Variants in PRKDC observed in about 807,000 individuals in gnomAD.
PRKDC encodes DNA-dependent protein kinase catalytic subunit.
A neutral mutation model predicts 486.9 loss-of-function variants in PRKDC; 82 were observed. The observed-to-expected ratio is 0.17, with a 90% confidence interval of 0.14 to 0.20. The LOEUF (loss-of-function observed/expected upper bound fraction) is 0.20, where lower values mean the gene tolerates loss of function less well. PRKDC is among the 10% of genes least tolerant of loss of function. PRKDC has a pLI of 1.00. For missense variants in PRKDC, 4,504 were observed against 5,038.2 expected (o/e 0.89, Z 3.21); for synonymous variants, 1,895 against 1,837.0 (o/e 1.03, Z -0.81).
At chr8:47,820,552 G>GA (rs1262047368) in intron 66 of PRKDC, among the ~76,000 whole-genome samples, 167 bp downstream of exon 66, 4 of 151,824 alleles carry the variant, frequency 2.6e-5, no homozygotes, top group Non-Finnish European at 5.9e-5. Flanking sequence ...CAGAAAGAAG[G>GA]AAATAGGTGG....
At chr8:47,783,906 A>G (rs866533126) in intron 77 of PRKDC, 97 bp from the exon 78 acceptor site, 1 of 1,169,194 alleles carries the variant, frequency 8.6e-7, no homozygotes, top group Non-Finnish European at 1.3e-6. Flanking sequence ...AAGCCAATCT[A>G]ACATGATAAA....
In PRKDC at chr8:47,958,844, T is replaced by A. The variant is rs112044267; in HGVS notation, c.154+1129A>T. 2.0e-4 allele frequency among the ~76,000 whole-genome samples: 31 copies of A among 151,726 alleles called. 1 individual carries two copies. The highest frequency in any genetic ancestry group is 7.3e-4 in the African/African-American group (30 of 41,378). ...TCCTTCTCCTGGGTTCAAGACATTC[T>A]CCTGTCTCAGCCTCCCGAATAGCTG... On this transcript the variant is annotated intron_variant, in intron 1 of 85. Transcript: ENST00000314191.
rs767606959 is a variant in PRKDC, at chr8:47,830,586, C to T, written c.8397+19G>A. On this transcript the variant is annotated intron_variant, in intron 61 of 85. Coordinates refer to ENST00000314191, the MANE Select transcript of PRKDC (RefSeq NM_006904.7). ...CAGATTTTAACCTGTCAACAGAAAA[C>T]GCAGCGGCAAAAACTGACCTGGGCC... 9.9e-6 allele frequency: 16 copies of T among 1,609,178 alleles called. No homozygotes were observed. The East Asian group carries it at 1.8e-4, about 18-fold the overall frequency.
intron 21 of PRKDC, 47 bp downstream of exon 21, chr8:47,927,147 A>G (rs1472154593): frequency 1.3e-5 from 20 of 1,569,172 alleles, no homozygotes; most frequent in Middle Eastern, 1.7e-4. Context: ...TAGTTACTCC[A>G]TTTCCATTTT....
intron 71 of PRKDC, among the ~76,000 whole-genome samples, chr8:47,799,616 C>T (rs994080667): frequency 4.6e-5 from 7 of 152,146 alleles, no homozygotes; most frequent in South Asian, 2.1e-4. Context: ...AAGCCCAGCG[C>T]GGGCCAGATG....
chr8:47,952,815 C>T (rs749682275), intron 7 of PRKDC, among the ~76,000 whole-genome samples: 2 of 151,776 alleles, frequency 1.3e-5, no homozygotes, highest in Non-Finnish European at 2.9e-5. Context: ...AACAGCCTGG[C>T]CAACATGGTG....
At chr8:47,884,396 C>G (rs753786721) in intron 36 of PRKDC, among the ~76,000 whole-genome samples, 24 of 152,368 alleles carry the variant, frequency 1.6e-4, no homozygotes, top group Admixed American at 6.5e-4. Context: ...ATCTCAAACT[C>G]TGCATGCAGT....
intron 40 of PRKDC, among the ~76,000 whole-genome samples, chr8:47,866,197 T>C (rs1407708407): frequency 6.6e-6 from 1 of 151,044 alleles, no homozygotes; most frequent in East Asian, 1.9e-4. Flanking sequence ...TAGAGAGTTC[T>C]TTGCCCCTTC....
chr8:47,954,397 C>G lies in PRKDC; in HGVS notation c.449G>C (p.Gly150Ala), dbSNP rs752791562. The change falls in exon 5 of 86, where the codon GGA (glycine) becomes GCA (alanine). Residue 150 changes from glycine (G) to alanine (A), a missense_variant. Gly to Ala is a moderately conservative substitution (Grantham distance 60). This residue lies in a region of PRKDC where 1,969 missense variants were observed against 2,068.9 expected (regional missense o/e 0.95). Coordinates refer to ENST00000314191, the MANE Select transcript of PRKDC (RefSeq NM_006904.7). ...TCCATAGAATTTACTAAATAATTCT[C>G]CAATTTTAAATTCATCCATGAGTCT... The part of the protein sequence containing the change: ...SSRLMDEFKI[G>A]ELFSKFYGEL... 2 of 1,379,426 alleles carry G rather than the reference C, an allele frequency of 1.4e-6. No homozygotes were observed. Among genetic ancestry groups the G allele is most frequent in the Non-Finnish European group, 2.0e-6 (2 of 1,017,734 alleles). The allele number at this position is 1,379,426 out of a possible 1,614,324, so 85.4% of individuals were successfully genotyped here. A position where few individuals can be genotyped will look rare whatever the true frequency, so the allele number is the denominator to read the frequency against.
At chr8:47,920,142 G>C (rs1295016066) in intron 21 of PRKDC, among the ~76,000 whole-genome samples, 1 of 152,162 alleles carries the variant, frequency 6.6e-6, no homozygotes, top group East Asian at 1.9e-4. Context: ...CTGGCTTGCT[G>C]TCAATAAATA....
chr8:47,908,039 G>A (rs1474911720), intron 25 of PRKDC, among the ~76,000 whole-genome samples: 1 of 152,152 alleles, frequency 6.6e-6, no homozygotes, highest in Non-Finnish European at 1.5e-5. Flanking sequence ...AGAGTCCTGA[G>A]CACACTGTTT....
chr8:47,862,658 G>A, intron 42 of PRKDC, 117 bp from the exon 43 acceptor site: 4 of 988,524 alleles, frequency 4.0e-6, no homozygotes, highest in African/African-American at 1.6e-5. Context: ...GGTCAGGCTT[G>A]TGCCAGGCAG....
At chr8:47,855,116 T>A in intron 50 of PRKDC, 106 bp downstream of exon 50, 3 of 1,147,414 alleles carry the variant, frequency 2.6e-6, no homozygotes, top group Non-Finnish European at 3.6e-6. Flanking sequence ...ATTATTTTCT[T>A]CCTCCTATCA....
At chr8:47,859,971 T>G (rs1424516462) in intron 45 of PRKDC, among the ~76,000 whole-genome samples, 3 of 152,230 alleles carry the variant, frequency 2.0e-5, no homozygotes, top group Non-Finnish European at 4.4e-5. Flanking sequence ...AAGCAGTTAT[T>G]CTGTCATAGA....
intron 73 of PRKDC, among the ~76,000 whole-genome samples, chr8:47,795,981 G>A (rs1191121099): frequency 2.7e-5 from 4 of 149,910 alleles, no homozygotes; most frequent in South Asian, 4.3e-4. Context: ...TGCAACCTCC[G>A]CCTCCTGGGT....
chr8:47,804,147 G>A (rs1285130105), intron 69 of PRKDC, among the ~76,000 whole-genome samples: 4 of 152,094 alleles, frequency 2.6e-5, no homozygotes, highest in Non-Finnish European at 5.9e-5. Context: ...CAGACATTCT[G>A]TAACAATGGT....
At chr8:47,795,888 T>C (rs1381510338) in intron 73 of PRKDC, among the ~76,000 whole-genome samples, 1 of 151,220 alleles carries the variant, frequency 6.6e-6, no homozygotes. Flanking sequence ...TAAACATTGG[T>C]ATGGAATTTT....
chr8:47,946,486 G>A (rs957646867), intron 7 of PRKDC, among the ~76,000 whole-genome samples: 3 of 151,882 alleles, frequency 2.0e-5, no homozygotes, highest in Admixed American at 6.6e-5. Flanking sequence ...TGTGGTTCTC[G>A]TGGAGCTGAA....
At chr8:47,928,551 A>AT (rs1331850857) in intron 19 of PRKDC, among the ~76,000 whole-genome samples, 2 of 150,376 alleles carry the variant, frequency 1.3e-5, no homozygotes, top group African/African-American at 4.9e-5. Flanking sequence ...TTATTTATTT[A>AT]TTTATTTATT....
Sources: allele counts gnomAD v4.1 joint callset (sites outside exome capture counted in the v4.1 genomes callset), GRCh38; gene constraint gnomAD v4.1.1; regional missense constraint gnomAD v4.1.1; transcripts MANE v1.5; gene names NCBI Gene and HGNC (gene_info 2026-07-23, HGNC 2026-07-21).